ZNF638: variants seen among roughly 807,000 people sequenced by gnomAD.
ZNF638 encodes the protein zinc finger protein 638, also known as CTCL tumor antigen se33-1.
In ZNF638, 46 loss-of-function variants were observed where a neutral mutation model predicts 195.6. The ratio of observed to expected loss-of-function variants is 0.24; its 90% CI spans 0.19 to 0.30. The LOEUF (loss-of-function observed/expected upper bound fraction) is 0.30. Ranked by LOEUF, ZNF638 falls within the 10% of genes least tolerant of loss-of-function variation. The pLI, the probability that ZNF638 is intolerant of heterozygous loss-of-function variation, is 1.00. For synonymous variants in ZNF638, 845 were observed against 772.0 expected, an observed-to-expected ratio of 1.09 and a Z score of -1.57; for missense variants, 2,440 against 2,325.3, an observed-to-expected ratio of 1.05 and a Z score of -1.01.
At chr2:71,376,395 G>GTTT (rs2079425290) in intron 8 of ZNF638, 1 of 84,970 alleles carries the variant, frequency 1.2e-5, no homozygotes, top group Non-Finnish European at 2.7e-5. Flanking sequence ...AATTGTTTTT[G>GTTT]TTGTTGTTTG....
chr2:71,382,077 T>TA (rs1261802468), intron 10 of ZNF638, among the ~76,000 whole-genome samples: 2 of 152,126 alleles, frequency 1.3e-5, no homozygotes, highest in Non-Finnish European at 2.9e-5. Context: ...TAAGTGAGTT[T>TA]AAAAAATTTT....
chr2:71,394,037 C>G (rs766425627), intron 10 of ZNF638, among the ~76,000 whole-genome samples: 1 of 152,202 alleles, frequency 6.6e-6, no homozygotes, highest in Non-Finnish European at 1.5e-5. Flanking sequence ...CAGCATTCTT[C>G]CCTGTGCTAA....
At chr2:71,339,984 A>G (rs1340539216) in intron 1 of ZNF638, among the ~76,000 whole-genome samples, 1 of 152,228 alleles carries the variant, frequency 6.6e-6, no homozygotes, top group Non-Finnish European at 1.5e-5. Flanking sequence ...ATATCTTACA[A>G]TAGCCCATTT....
At chr2:71,363,212 T>C in intron 4 of ZNF638, 21 bp downstream of exon 4, 1 of 1,524,388 alleles carries the variant, frequency 6.6e-7, no homozygotes, top group Admixed American at 1.8e-5. Context: ...AAAATAGTAA[T>C]ATTATTAAAA....
chr2:71,414,868 A>C (rs1452376882), intron 20 of ZNF638, among the ~76,000 whole-genome samples: 1 of 48,348 alleles, frequency 2.1e-5, no homozygotes, highest in Non-Finnish European at 4.5e-5. Context: ...CTGTTCTTTT[A>C]CATTTGCTGA....
Position 71,342,620 on chromosome 2 carries a change from T to C in ZNF638, c.-202-6133T>C, listed in dbSNP as rs532558542. Among the ~76,000 whole-genome samples, 4 of 152,238 alleles carry C rather than the reference T, an allele frequency of 2.6e-5. No individual in the cohort carries two copies. The East Asian group carries it at 7.7e-4, about 29-fold the overall frequency. ...TGGTGAGAGGAAAAAGAAAAGTACA[T>C]ACGAGAAGTATTGACAGGAATACAC... On this transcript the variant is annotated intron_variant, in intron 1 of 27. Transcript: ENST00000264447.
rs749885462 is a variant in ZNF638 at position 71,423,662 on chromosome 2, C to T, written c.4148C>T (p.Ala1383Val). ...GAAACTAGTAAAACTAGTATTCTGG[C>T]TGTATCAGATGTATCTAGCAGTAAA... The part of the protein sequence containing the change: ...PDETSKTSIL[A>V]VSDVSSSKPS... Residue 1383 changes from alanine to valine, a missense_variant, in exon 22 of 28, where the codon GCT becomes GTT. Ala to Val is a moderately conservative substitution (Grantham distance 64). Transcript: ENST00000264447. 3.1e-6 allele frequency: 5 copies of T among 1,613,808 alleles called. No homozygotes were observed. The South Asian group carries it at 3.3e-5, about 11-fold the overall frequency.
intron 15 of ZNF638, 41 bp from the exon 16 acceptor site, chr2:71,401,914 CA>C (rs150088465): frequency 6.6e-7 from 1 of 1,512,658 alleles, no homozygotes; most frequent in Non-Finnish European, 8.9e-7. Context: ...AAATATGAAA[CA>C]AAGAAATTTT....
chr2:71,345,837 C>T (rs2078842264), intron 1 of ZNF638, among the ~76,000 whole-genome samples: 1 of 152,182 alleles, frequency 6.6e-6, no homozygotes, highest in Admixed American at 6.5e-5. Context: ...TGCTAATAGA[C>T]ATTGTTCCCC....
intron 10 of ZNF638, among the ~76,000 whole-genome samples, chr2:71,388,184 C>T (rs1241260665): frequency 2.0e-5 from 3 of 152,100 alleles, no homozygotes; most frequent in Non-Finnish European, 4.4e-5. Flanking sequence ...TGCAAAGCTT[C>T]GGGAGAGAAT....
intron 6 of ZNF638, among the ~76,000 whole-genome samples, chr2:71,367,339 G>A (rs1438967332): frequency 6.6e-6 from 1 of 150,912 alleles, no homozygotes; most frequent in East Asian, 1.9e-4. Flanking sequence ...GCTCACTGCA[G>A]CCTCAAGTTC....
At chr2:71,425,804 G>A (rs1348369412) in intron 23 of ZNF638, among the ~76,000 whole-genome samples, 1 of 151,812 alleles carries the variant, frequency 6.6e-6, no homozygotes, top group African/African-American at 2.4e-5. Flanking sequence ...CGAGTAGCTG[G>A]GTGGCATCTG....
At chr2:71,407,931 C>G in intron 19 of ZNF638, 191 bp from the exon 20 acceptor site, 1 of 473,908 alleles carries the variant, frequency 2.1e-6, no homozygotes, top group Non-Finnish European at 3.7e-6. Context: ...CATTGATGGA[C>G]AGTTGGGTTG....
At chr2:71,388,714 T>C in intron 10 of ZNF638, 1 of 1,189,064 alleles carries the variant, frequency 8.4e-7, no homozygotes, top group Non-Finnish European at 1.3e-6. Flanking sequence ...GCGAAGAGAC[T>C]GTGCAGTCAG....
intron 10 of ZNF638, among the ~76,000 whole-genome samples, chr2:71,387,034 A>G (rs564436021): frequency 3.9e-5 from 6 of 151,948 alleles, no homozygotes; most frequent in Non-Finnish European, 5.9e-5. Flanking sequence ...TTCTTTATAC[A>G]CTAAGTATAA....
chr2:71,406,293 A>G lies in ZNF638; in HGVS notation c.3135+31A>G, dbSNP rs148390208. 1.6e-4 allele frequency: 262 copies of G among 1,593,836 alleles called. No individual in the cohort carries two copies. In the African/African-American group the frequency reaches 3.0e-3, roughly 18 times the overall value. On this transcript the variant is annotated intron_variant, in intron 19 of 27. Transcript: ENST00000264447. The stretch of plus-strand genomic sequence containing the variant: ...AAGTTCCCTCATAATTTAGCTATTC[A>G]TTCTGTAAAGAATGTATAATAACCC...
Position 71,350,091 on chromosome 2 carries a change from T to A in ZNF638, c.1137T>A (p.Ile379=), listed in dbSNP as rs769674416. The A allele has an allele frequency of 6.8e-6, 11 of 1,614,072 alleles. No individual in the cohort carries two copies. The Admixed American group carries it at 8.3e-5, about 12-fold the overall frequency. The change falls in exon 2 of 28, where the codon ATT becomes ATA. Residue 379 remains isoleucine, a synonymous_variant. Transcript: ENST00000264447. Reference sequence around the variant, plus strand: ...AGAATTACCAGTCACAGGCTGACATTCCCATTCGGTCTCCCTTTGGTATTG... The same window carrying A: ...AGAATTACCAGTCACAGGCTGACATACCCATTCGGTCTCCCTTTGGTATTG... The part of the protein sequence containing the change: ...SKKNYQSQAD[I]PIRSPFGIVK...
Position 71,401,349 on chromosome 2 carries a change from A to G in ZNF638, c.2698-607A>G, listed in dbSNP as rs2080001910. On this transcript the variant is annotated intron_variant, in intron 15 of 27. Coordinates refer to ENST00000264447, the MANE Select transcript of ZNF638 (RefSeq NM_014497.5). ...CTGAGAGAAGGGATGGCAGAAAACA[A>G]AAGTGCTTAATTGCATTGAGGATTG... 1.2e-3 allele frequency among the ~76,000 whole-genome samples: 2 copies of G among 1,686 alleles called. 1 individual carries two copies. The highest frequency in any genetic ancestry group is 0.5 in the East Asian group (2 of 4). 1.1% of individuals were successfully genotyped at this position (1,686 alleles called of 152,430 possible).
chr2:71,384,572 G>T (rs751675212), intron 10 of ZNF638, among the ~76,000 whole-genome samples: 1 of 152,158 alleles, frequency 6.6e-6, no homozygotes, highest in Non-Finnish European at 1.5e-5. Flanking sequence ...TTAATAGGTC[G>T]CAGGCAAGGT....
Sources: gnomAD v4.1 joint callset for allele counts (sites outside exome capture counted in the v4.1 genomes callset) on GRCh38, gnomAD v4.1.1 for gene constraint, MANE v1.5 for transcripts, NCBI Gene and HGNC (gene_info 2026-07-23, HGNC 2026-07-21) for gene names.